Variants in FBXO17 observed in about 807,000 individuals in gnomAD.
FBXO17 encodes the protein F-box protein 17.
Under a neutral mutation model 34.1 loss-of-function variants are expected in FBXO17, and 43 were observed. That is an observed-to-expected ratio of 1.26 (90% confidence interval 0.99 to 1.62). The LOEUF is 1.62. FBXO17 is among the 40% of genes most tolerant of loss of function. FBXO17 has a pLI of 0.00. For synonymous variants in FBXO17, 169 were observed against 166.0 expected (o/e 1.02, Z -0.14); for missense variants, 424 against 386.7 (o/e 1.10, Z -0.81).
intron 1 of FBXO17, among the ~76,000 whole-genome samples, chr19:38,955,689 G>A (rs1438403639): frequency 6.6e-6 from 1 of 151,680 alleles, no homozygotes; most frequent in Admixed American, 6.6e-5. Flanking sequence ...TCACCATGTT[G>A]CCCAGGCTGG....
intron 2 of FBXO17, among the ~76,000 whole-genome samples, chr19:38,948,945 TGA>T (rs1401919539): frequency 2.0e-5 from 3 of 152,180 alleles, no homozygotes; most frequent in African/African-American, 7.2e-5. Flanking sequence ...ATTGTGTGTG[TGA>T]GAGACAGGGT....
At chr19:38,947,411 C>A (rs989867461) in intron 3 of FBXO17, 6 of 152,048 alleles carry the variant, frequency 3.9e-5, no homozygotes, top group African/African-American at 1.2e-4. Flanking sequence ...TATGGTGAAA[C>A]CTCTTCTCTA....
chr19:38,950,750 A>T (rs1271777223), intron 1 of FBXO17, among the ~76,000 whole-genome samples: 1 of 152,142 alleles, frequency 6.6e-6, no homozygotes, highest in Non-Finnish European at 1.5e-5. Flanking sequence ...TTTAAAACTA[A>T]CTCTGGGATT....
At chr19:38,960,571 C>T (rs1021276814) in intron 1 of FBXO17, among the ~76,000 whole-genome samples, 4 of 152,002 alleles carry the variant, frequency 2.6e-5, no homozygotes, top group South Asian at 2.1e-4. Context: ...TGCAGTGGCA[C>T]GATCTCGGCT....
At chr19:38,959,282 TC>T in intron 1 of FBXO17, among the ~76,000 whole-genome samples, 1 of 64,234 alleles carries the variant, frequency 1.6e-5, no homozygotes, top group South Asian at 4.3e-4. Flanking sequence ...TTTCTTTCTT[TC>T]TTTTTTTTTT....
At chr19:38,952,706 C>T (rs1975103507) in intron 1 of FBXO17, 2 of 514,278 alleles carry the variant, frequency 3.9e-6, no homozygotes, top group Non-Finnish European at 7.9e-6. Flanking sequence ...AGTTCTTCCG[C>T]AGCCCCAACC....
intron 1 of FBXO17, among the ~76,000 whole-genome samples, chr19:38,962,793 C>T (rs916438601): frequency 2.6e-5 from 4 of 151,612 alleles, no homozygotes; most frequent in African/African-American, 4.9e-5. Flanking sequence ...CTCGGCTCAC[C>T]GCAACCTCTG....
intron 1 of FBXO17, among the ~76,000 whole-genome samples, chr19:38,968,483 C>G (rs1975349219): frequency 6.8e-6 from 1 of 147,290 alleles, no homozygotes; most frequent in Non-Finnish European, 1.5e-5. Context: ...AAGAGCCTGT[C>G]TCTAAAAAAA....
At chr19:38,954,606 T>G (rs1975135929) in intron 1 of FBXO17, among the ~76,000 whole-genome samples, 1 of 106,268 alleles carries the variant, frequency 9.4e-6, no homozygotes, top group African/African-American at 3.7e-5. Context: ...TGAGACAGAG[T>G]TTCACTCTTG....
chr19:38,973,578 A>G (rs918914942), intron 1 of FBXO17, among the ~76,000 whole-genome samples: 1 of 152,228 alleles, frequency 6.6e-6, no homozygotes, highest in African/African-American at 2.4e-5. Context: ...TTATTATAGA[A>G]AAAATTAAGG....
In FBXO17 at chr19:38,941,480, T is replaced by C. The variant is rs1222288335; in HGVS notation, c.*1128A>G. ...GAACAGAGATTTACCCACATATTTA[T>C]TGACAGCAAGCCAGTGATAAGCATT... On this transcript the variant is annotated 3_prime_UTR_variant, in exon 6 of 6. Coordinates refer to ENST00000292852, the MANE Select transcript of FBXO17 (RefSeq NM_024907.7). 6.6e-6 allele frequency: 1 copy of C among 152,200 alleles called. No homozygotes were observed. Among genetic ancestry groups the C allele is most frequent in the Non-Finnish European group, 1.5e-5 (1 of 68,034 alleles). 9.4% of individuals were successfully genotyped at this position (152,200 alleles called of 1,614,324 possible).
chr19:38,949,748 G>T, intron 2 of FBXO17: 3 of 597,872 alleles, frequency 5.0e-6, no homozygotes, highest in Non-Finnish European at 8.6e-6. Context: ...CCCAGCCAGG[G>T]TCTTCCTGCC....
chr19:38,944,799 G>A (rs1974947914), intron 5 of FBXO17, 170 bp downstream of exon 5: 1 of 885,796 alleles, frequency 1.1e-6, no homozygotes, highest in Middle Eastern at 3.4e-4. Context: ...GAAATGAATC[G>A]ATATGTAAGC....
intron 1 of FBXO17, among the ~76,000 whole-genome samples, chr19:38,955,177 C>T (rs1161988112): frequency 2.0e-5 from 3 of 151,272 alleles, no homozygotes; most frequent in South Asian, 2.1e-4. Flanking sequence ...ATGATCCGCC[C>T]GCCTTGGCCT....
chr19:38,966,201 C>G (rs144262492), intron 1 of FBXO17, among the ~76,000 whole-genome samples: 9,045 of 151,914 alleles, frequency 0.06, 361 homozygotes, highest in East Asian at 0.2. Context: ...AACTCCTGAC[C>G]TCAGGTGATC....
At chr19:38,968,956 G>A (rs528357267) in intron 1 of FBXO17, among the ~76,000 whole-genome samples, 5 of 152,146 alleles carry the variant, frequency 3.3e-5, no homozygotes, top group East Asian at 1.9e-4. Context: ...GCTTTGTTAC[G>A]GTGGTGATGG....
At chr19:38,955,689 G>T (rs1438403639) in intron 1 of FBXO17, among the ~76,000 whole-genome samples, 1 of 151,680 alleles carries the variant, frequency 6.6e-6, no homozygotes. Context: ...TCACCATGTT[G>T]CCCAGGCTGG....
At chr19:38,955,484 C>CTTT (rs1223708955) in intron 1 of FBXO17, among the ~76,000 whole-genome samples, 9 of 133,714 alleles carry the variant, frequency 6.7e-5, no homozygotes, top group African/African-American at 1.6e-4. Flanking sequence ...TTCTTTCTTT[C>CTTT]TTTTTTTTTT....
At position 38,950,005 on chromosome 19, in the gene FBXO17, G is replaced by C. The variant is rs992295586; in HGVS notation, c.315C>G (p.Phe105Leu). ...ALARYCLRAP[F>L]GRNLIFNSCG... is the part of the protein sequence containing the mutation. ...AGGAGTTGAAGATGAGATTGCGGCC[G>C]AAGGGCGCGCGCAGACAGTAGCGCG... Residue 105 changes from phenylalanine to leucine, a missense_variant, in exon 2 of 6, where the codon TTC becomes TTG. Transcript: ENST00000292852. 3 of 1,554,194 alleles carry C rather than the reference G, an allele frequency of 1.9e-6. No individual in the cohort carries two copies. Among genetic ancestry groups the C allele is most frequent in the African/African-American group, 1.4e-5 (1 of 72,830 alleles).
Sources: allele counts gnomAD v4.1 joint callset (sites outside exome capture counted in the v4.1 genomes callset), GRCh38; gene constraint gnomAD v4.1.1; transcripts MANE v1.5; gene names NCBI Gene and HGNC (gene_info 2026-07-23, HGNC 2026-07-21).